The following CACNA1C variants were observed in gnomAD, a reference collection of about 807,000 sequenced individuals.
The protein encoded by CACNA1C is voltage-dependent L-type calcium channel subunit alpha-1C.
A neutral mutation model predicts 229.0 loss-of-function variants in CACNA1C; 30 were observed. The ratio of observed to expected loss-of-function variants is 0.13; its 90% CI spans 0.10 to 0.18. CACNA1C has a LOEUF of 0.18. Among genes scored for constraint, CACNA1C ranks in the 10% least tolerant of loss-of-function variants. The pLI is 1.00. For synonymous variants in CACNA1C, 1,114 were observed against 1,132.5 expected (o/e 0.98, Z 0.33); for missense variants, 1,658 against 2,845.0 (o/e 0.58, Z 9.49).
chr12:2,022,028 G>T (rs1029168620), intron 1 of CACNA1C, among the ~76,000 whole-genome samples: 1 of 152,154 alleles, frequency 6.6e-6, no homozygotes, highest in African/African-American at 2.4e-5. Context: ...AGAAAAAATG[G>T]ATTCCCAGCC....
At chr12:2,686,449 C>A (rs1003041256) in intron 45 of CACNA1C, among the ~76,000 whole-genome samples, 180 bp downstream of exon 45, 2 of 152,204 alleles carry the variant, frequency 1.3e-5, no homozygotes, top group African/African-American at 4.8e-5. Context: ...GTGAGGGCCA[C>A]GGCAAGGTCT....
At chr12:2,644,011 C>T (rs1315386281) in intron 30 of CACNA1C, among the ~76,000 whole-genome samples, 1 of 152,276 alleles carries the variant, frequency 6.6e-6, no homozygotes, top group African/African-American at 2.4e-5. Context: ...TGGATGGAGA[C>T]CTTCAGGTGG....
chr12:2,011,684 T>C lies in CACNA1C; in HGVS notation c.139+40483T>C, dbSNP rs1425070950. Among the ~76,000 whole-genome samples the C allele has an allele frequency of 2.0e-5, 3 of 152,308 alleles. No homozygotes were observed. In the East Asian group the frequency reaches 5.8e-4, roughly 29 times the overall value. On this transcript the variant is annotated intron_variant, in intron 1 of 46. Coordinates refer to the CACNA1C transcript ENST00000682462. ...AATATGTTTAGGGAAACATCTCACA[T>C]TGAAATTAGGTCAGGAAAGCAGCCC...
At chr12:2,359,200 C>A (rs1214445159) in intron 3 of CACNA1C, among the ~76,000 whole-genome samples, 2 of 152,224 alleles carry the variant, frequency 1.3e-5, no homozygotes, top group African/African-American at 4.8e-5. Context: ...CTCTGGTTCC[C>A]ACATTCGATT....
At chr12:2,415,899 C>T (rs1043281646) in intron 3 of CACNA1C, among the ~76,000 whole-genome samples, 5 of 152,190 alleles carry the variant, frequency 3.3e-5, no homozygotes, top group South Asian at 2.1e-4. Flanking sequence ...CCGCATTTCC[C>T]GGCCACCCTT....
At chr12:2,538,775 C>A (rs11062261) in intron 9 of CACNA1C, among the ~76,000 whole-genome samples, 15,005 of 152,178 alleles carry the variant, frequency 0.099, 1,662 homozygotes, top group African/African-American at 0.26. Context: ...ATCTATCCAA[C>A]GGTAGAAAAG....
chr12:2,635,593 C>A (rs1043838855), intron 30 of CACNA1C, among the ~76,000 whole-genome samples: 3 of 151,692 alleles, frequency 2.0e-5, no homozygotes, highest in African/African-American at 7.3e-5. Flanking sequence ...GTTACACTGC[C>A]GTGTTATCTT....
intron 12 of CACNA1C, among the ~76,000 whole-genome samples, chr12:2,567,287 C>T (rs530416687): frequency 2.6e-5 from 4 of 152,274 alleles, no homozygotes; most frequent in Non-Finnish European, 4.4e-5. Context: ...ATGGGCATGA[C>T]GATGGTGGTA....
At chr12:2,465,076 A>G (rs901720118) in intron 5 of CACNA1C, among the ~76,000 whole-genome samples, 7 of 152,222 alleles carry the variant, frequency 4.6e-5, no homozygotes, top group Non-Finnish European at 7.3e-5. Flanking sequence ...AACGTATTAC[A>G]TATGCTGTTG....
intron 34 of CACNA1C, chr12:2,659,875 AATG>A (rs1211820122): frequency 3.3e-5 from 5 of 153,356 alleles, no homozygotes. Context: ...TGATTTTTAG[AATG>A]ATAAGAGAAT....
intron 1 of CACNA1C, among the ~76,000 whole-genome samples, chr12:2,106,480 GCCCACCCCGGGGAGGGTTTCCAC>G (rs1187361764): frequency 4.9e-5 from 5 of 102,244 alleles, no homozygotes; most frequent in African/African-American, 1.9e-4. Flanking sequence ...GCCACTGGGA[GCCCACCCCGGGGAGGGTTTCCAC>G]CTCAGCTGGG....
chr12:2,350,593 G>A (rs956890612), intron 3 of CACNA1C, among the ~76,000 whole-genome samples: 1 of 152,196 alleles, frequency 6.6e-6, no homozygotes, highest in African/African-American at 2.4e-5. Flanking sequence ...GCTGGGCTGC[G>A]GGGCCATTGA....
intron 5 of CACNA1C, among the ~76,000 whole-genome samples, chr12:2,462,356 A>G (rs1233568071): frequency 6.8e-6 from 1 of 147,506 alleles, no homozygotes; most frequent in Non-Finnish European, 1.5e-5. Flanking sequence ...AGCTCTCTGC[A>G]CAGGCCTGCG....
chr12:2,456,760 C>T (rs2099428598), intron 4 of CACNA1C, among the ~76,000 whole-genome samples: 1 of 152,230 alleles, frequency 6.6e-6, no homozygotes, highest in African/African-American at 2.4e-5. Flanking sequence ...CCCCGCTCCT[C>T]CTCCTCAGCA....
At chr12:2,380,044 A>AAAAAAAAAAAAAAAAAAAT (rs1328861436) in intron 3 of CACNA1C, among the ~76,000 whole-genome samples, 1 of 148,034 alleles carries the variant, frequency 6.8e-6, no homozygotes, top group Non-Finnish European at 1.5e-5. Context: ...AAAAAAAAAA[A>AAAAAAAAAAAAAAAAAAAT]GACATAATAT....
At chr12:2,001,032 C>T (rs1319147817) in intron 1 of CACNA1C, among the ~76,000 whole-genome samples, 4 of 111,444 alleles carry the variant, frequency 3.6e-5, no homozygotes, top group Non-Finnish European at 7.6e-5. Flanking sequence ...AGCGAGACTT[C>T]GTCTCAAAAA....
chr12:2,002,200 T>G (rs1000903253), intron 1 of CACNA1C, among the ~76,000 whole-genome samples: 1 of 152,204 alleles, frequency 6.6e-6, no homozygotes, highest in Non-Finnish European at 1.5e-5. Context: ...TTCCCCTCCT[T>G]AAGATCCCCC....
intron 3 of CACNA1C, among the ~76,000 whole-genome samples, chr12:2,260,531 GAAGA>G (rs2154401534): frequency 6.8e-6 from 1 of 147,974 alleles, no homozygotes; most frequent in East Asian, 2.0e-4. Flanking sequence ...AGAAAAGAAA[GAAGA>G]GAGAAAAGGA....
intron 3 of CACNA1C, among the ~76,000 whole-genome samples, chr12:2,242,801 C>T (rs746394999): frequency 1.3e-5 from 2 of 152,230 alleles, no homozygotes; most frequent in African/African-American, 4.8e-5. Context: ...GTCCAATAAT[C>T]TACCATGGTA....
Sources: allele counts gnomAD v4.1 joint callset (sites outside exome capture counted in the v4.1 genomes callset), GRCh38; gene constraint gnomAD v4.1.1; transcripts MANE v1.5; gene names NCBI Gene and HGNC (gene_info 2026-07-23, HGNC 2026-07-21).